Variants in SLC16A13 observed in about 807,000 individuals in gnomAD.
SLC16A13 encodes the protein solute carrier family 16 member 13.
A neutral mutation model predicts 28.1 loss-of-function variants in SLC16A13; 28 were observed. The ratio of observed to expected loss-of-function variants is 1.00; its 90% confidence interval spans 0.74 to 1.37. The LOEUF is 1.37. SLC16A13 is among the 40% of genes most tolerant of loss of function. The pLI is 0.00. For synonymous variants in SLC16A13, 228 were observed against 241.6 expected, an observed-to-expected ratio of 0.94 and a Z score of 0.52; for missense variants, 482 against 531.8, an observed-to-expected ratio of 0.91 and a Z score of 0.92.
Position 7,039,019 on chromosome 17 carries a change from C to T in SLC16A13, c.1081+130C>T. Reference sequence around the variant, plus strand: ...TACAGTACACAGCCTGCGTGGCCAACCATAGCATCCCTGAAATGGGTCCAT... The same window carrying T: ...TACAGTACACAGCCTGCGTGGCCAATCATAGCATCCCTGAAATGGGTCCAT... On this transcript the variant is annotated intron_variant, in intron 3 of 3. Transcript: ENST00000308027. This position sits in a 1 kb window ranked among gnomAD's most constrained non-coding sequence, Gnocchi z 4.3. 2 of 1,217,918 alleles carry T rather than the reference C, an allele frequency of 1.6e-6. No homozygotes were observed. Among genetic ancestry groups the T allele is most frequent in the Non-Finnish European group, 1.1e-6 (1 of 897,964 alleles). 75.4% of individuals were successfully genotyped at this position (1,217,918 alleles called of 1,614,324 possible).
At position 7,036,129 on chromosome 17, in the gene SLC16A13, G is replaced by T; in HGVS notation, c.-254G>T. The T allele has an allele frequency of 2.2e-6, 1 of 449,454 alleles. No individual in the cohort carries two copies. Among genetic ancestry groups the T allele is most frequent in the South Asian group, 3.8e-5 (1 of 26,008 alleles). The allele number at this position is 449,454 out of a possible 1,614,324, so 27.8% of individuals were successfully genotyped here. ...CCCCGGCTTGAACTAGCTCAGCTCC[G>T]AGCTCGCGGAACCACGCCCCCGGGA... On this transcript the variant is annotated 5_prime_UTR_variant, in exon 1 of 4. Coordinates refer to ENST00000308027, the MANE Select transcript of SLC16A13 (RefSeq NM_201566.3).
Position 7,039,675 on chromosome 17 carries a change from A to T in SLC16A13, c.1082-88A>T. ...GAGTTCCAACTCCTCTGAGATGATA[A>T]GTCTTCCCTCCACCCAAAAATGTAT... On this transcript the variant is annotated intron_variant, in intron 3 of 3. Transcript: ENST00000308027. This position sits in a 1 kb window ranked among gnomAD's most constrained non-coding sequence, Gnocchi z 4.3. The T allele has an allele frequency of 3.6e-6, 5 of 1,370,320 alleles. No individual in the cohort carries two copies. Among genetic ancestry groups the T allele is most frequent in the Non-Finnish European group, 5.1e-6 (5 of 973,864 alleles). The allele number at this position is 1,370,320 out of a possible 1,614,324, so 84.9% of individuals were successfully genotyped here. A position where few individuals can be genotyped will look rare whatever the true frequency, so the allele number is the denominator to read the frequency against.
At position 7,039,024 on chromosome 17, in the gene SLC16A13, G is replaced by A. The variant is rs571473523; in HGVS notation, c.1081+135G>A. The A allele has an allele frequency of 1.5e-4, 178 of 1,208,968 alleles. 2 individuals are homozygous for A. The South Asian group carries it at 2.8e-3, about 19-fold the overall frequency. The allele number at this position is 1,208,968 out of a possible 1,614,324, so 74.9% of individuals were successfully genotyped here. ...TACACAGCCTGCGTGGCCAACCATA[G>A]CATCCCTGAAATGGGTCCATGGGGC... On this transcript the variant is annotated intron_variant, in intron 3 of 3. Transcript: ENST00000308027. This position sits in a 1 kb window ranked among gnomAD's most constrained non-coding sequence, Gnocchi z 4.3.
Position 7,038,675 on chromosome 17 carries a change from C to T in SLC16A13, c.867C>T (p.Thr289=). The change falls in exon 3 of 4, where the codon ACC becomes ACT. Residue 289 remains threonine, a synonymous_variant. Transcript: ENST00000308027. The surrounding 1 kb of genome is among the most constrained non-coding windows in gnomAD (Gnocchi z 5.7). ...CACGACTCCTGATGCTCTGGACCAC[C>T]TTGACTGGGGTGTCACTAGCCCTGT... is the stretch of plus-strand genomic sequence containing the variant. ...PVTRLLMLWT[T]LTGVSLALFP... The T allele has an allele frequency of 6.2e-7, 1 of 1,614,212 alleles. No homozygotes were observed.
chr17:7,036,409 C>CG lies in SLC16A13; in HGVS notation c.32dup (p.Trp12LeufsTer35). On this transcript the variant is annotated frameshift_variant, in exon 1 of 4. Transcript: ENST00000308027. LOFTEE classifies it high-confidence loss of function. ...TGGCGCGCAGGACAGAGCCCCCCGACGGGGGCTGGGGATGGGTGGTGGTGC... is the reference window on the plus strand; with the variant it reads ...TGGCGCGCAGGACAGAGCCCCCCGACGGGGGGCTGGGGATGGGTGGTGGTGC... 6.2e-7 allele frequency: 1 copy of CG among 1,611,600 alleles called. No homozygotes were observed. Among genetic ancestry groups the CG allele is most frequent in the South Asian group, 1.1e-5 (1 of 90,992 alleles).
chr17:7,036,747 A>G lies in SLC16A13; in HGVS notation c.220A>G (p.Ser74Gly), dbSNP rs768312580. The part of the protein sequence containing the change: ...QFGSPVGSAL[S>G]TKFGPRPVVM... ...CTCAGGCCCGGTAGGCAGTGCCCTG[A>G]GCACGAAGTTCGGGCCCAGGCCCGT... Residue 74 changes from serine to glycine, a missense_variant, in exon 2 of 4, where the codon AGC (serine) becomes GGC (glycine). Ser to Gly is a moderately conservative substitution (Grantham distance 56, BLOSUM62 0). Coordinates refer to ENST00000308027, the MANE Select transcript of SLC16A13 (RefSeq NM_201566.3). The G allele has an allele frequency of 2.5e-6, 4 of 1,613,286 alleles. No homozygotes were observed. Among genetic ancestry groups the G allele is most frequent in the Non-Finnish European group, 1.7e-6 (2 of 1,180,036 alleles).
chr17:7,039,938 C>G lies in SLC16A13; in HGVS notation c.1257C>G (p.Pro419=). The change falls in exon 4 of 4, where the codon CCC becomes CCG. Residue 419 remains proline (P), a synonymous_variant. Transcript: ENST00000308027. This position sits in a 1 kb window ranked among gnomAD's most constrained non-coding sequence, Gnocchi z 4.3. ...TEALDTKVPL[P]KEGLEED ...CACTAGATACTAAAGTTCCCCTACC[C>G]AAGGAGGGGCTGGAAGAGGACTGAA... 2 of 1,613,912 alleles carry G rather than the reference C, an allele frequency of 1.2e-6. No homozygotes were observed. Among genetic ancestry groups the G allele is most frequent in the South Asian group, 2.2e-5 (2 of 91,070 alleles).
In SLC16A13 at chr17:7,038,997, A is replaced by G. The variant is rs536863904; in HGVS notation, c.1081+108A>G. 1.3e-5 allele frequency: 19 copies of G among 1,432,266 alleles called. No individual in the cohort carries two copies. The African/African-American group carries it at 2.3e-4, about 17-fold the overall frequency. 88.7% of individuals were successfully genotyped at this position (1,432,266 alleles called of 1,614,324 possible). ...TGAATATTGCCCTCTGGTGTAGTACAGTACACAGCCTGCGTGGCCAACCAT... is the reference window on the plus strand; with the variant it reads ...TGAATATTGCCCTCTGGTGTAGTACGGTACACAGCCTGCGTGGCCAACCAT... On this transcript the variant is annotated intron_variant, in intron 3 of 3. Coordinates refer to ENST00000308027, the MANE Select transcript of SLC16A13 (RefSeq NM_201566.3). This position sits in a 1 kb window ranked among gnomAD's most constrained non-coding sequence, Gnocchi z 5.7.
At position 7,038,174 on chromosome 17, in the gene SLC16A13, C is replaced by T. The variant is rs776002559; in HGVS notation, c.366C>T (p.Phe122=). Residue 122 remains phenylalanine (F), a synonymous_variant, in exon 3 of 4, where the codon TTC becomes TTT. Coordinates refer to ENST00000308027, the MANE Select transcript of SLC16A13 (RefSeq NM_201566.3). This position sits in a 1 kb window ranked among gnomAD's most constrained non-coding sequence, Gnocchi z 5.7. ...CAGGCTCTGGCTGGGCTTTGACCTT[C>T]GCTCCGACCCTGGCCTGCCTGTCCT... The part of the protein sequence containing the change: ...LLSGSGWALT[F]APTLACLSCY... The T allele has an allele frequency of 3.7e-6, 6 of 1,613,276 alleles. No individual in the cohort carries two copies. Among genetic ancestry groups the T allele is most frequent in the African/African-American group, 1.3e-5 (1 of 75,042 alleles).
Position 7,039,081 on chromosome 17 carries a change from A to C in SLC16A13, c.1081+192A>C, listed in dbSNP as rs1910659000. Reference sequence around the variant, plus strand: ...CTTGGGGCTGGGAAAGTCTGAGTGGAAAGACAAAAAGAAGCTAAGTGGAAC... The same window carrying C: ...CTTGGGGCTGGGAAAGTCTGAGTGGCAAGACAAAAAGAAGCTAAGTGGAAC... On this transcript the variant is annotated intron_variant, in intron 3 of 3. Transcript: ENST00000308027. The surrounding 1 kb of genome is among the most constrained non-coding windows in gnomAD (Gnocchi z 4.3). Among the ~76,000 whole-genome samples the C allele has an allele frequency of 6.6e-6, 1 of 152,194 alleles. No homozygotes were observed. Among genetic ancestry groups the C allele is most frequent in the South Asian group, 2.1e-4 (1 of 4,832 alleles).
rs1910574677 is a variant in SLC16A13, at chr17:7,036,217, G to A, written c.-166G>A. The A allele has an allele frequency of 1.5e-6, 1 of 658,944 alleles. No homozygotes were observed. Among genetic ancestry groups the A allele is most frequent in the African/African-American group, 1.8e-5 (1 of 54,968 alleles). The allele number at this position is 658,944 out of a possible 1,614,324, so 40.8% of individuals were successfully genotyped here. ...CTATATCGCCCCGCCTTGGGAAAAGGTGCAGGGGCCTCTCGCCGCCTCGTC... is the reference window on the plus strand; with the variant it reads ...CTATATCGCCCCGCCTTGGGAAAAGATGCAGGGGCCTCTCGCCGCCTCGTC... On this transcript the variant is annotated 5_prime_UTR_variant, in exon 1 of 4. In the 5' UTR this introduces an upstream ATG that the reference lacks. Transcript: ENST00000308027.
At chr17:7,037,652 G>A (rs1910618632) in intron 2 of SLC16A13, among the ~76,000 whole-genome samples, 1 of 151,952 alleles carries the variant, frequency 6.6e-6, no homozygotes, top group South Asian at 2.1e-4. Context: ...TGTGAACCCG[G>A]GAAGCAGAGC....
rs1276560721 is a variant in SLC16A13 at position 7,036,870 on chromosome 17, G to A, written c.343G>A (p.Gly115Ser). 1 of 1,611,964 alleles carries A rather than the reference G, an allele frequency of 6.2e-7. No homozygotes were observed. Among genetic ancestry groups the A allele is most frequent in the Non-Finnish European group, 8.5e-7 (1 of 1,179,938 alleles). ...HLYLSIGLLS[G>S]SGWALTFAPT... ...ATACCTGAGTATTGGGTTGCTGTCA[G>A]GTGAGAGCCTGCACAAGGGCAGGAG... Residue 115 changes from glycine to serine, a missense_variant and splice_region_variant, in exon 2 of 4, where the codon GGC becomes AGC. By Grantham distance (56) the Gly-to-Ser change is moderately conservative. Coordinates refer to ENST00000308027, the MANE Select transcript of SLC16A13 (RefSeq NM_201566.3).
Position 7,036,034 on chromosome 17 carries a change from C to T in SLC16A13, c.-349C>T, listed in dbSNP as rs576691150. ...TCATCTACACGGAAACTGGCGCGCTCCAGGGGTGGGGCCCAAACTCAGTTC... is the reference window on the plus strand; with the variant it reads ...TCATCTACACGGAAACTGGCGCGCTTCAGGGGTGGGGCCCAAACTCAGTTC... On this transcript the variant is annotated 5_prime_UTR_variant, in exon 1 of 4. Transcript: ENST00000308027. The T allele has an allele frequency of 6.6e-5, 15 of 228,194 alleles. No homozygotes were observed. The East Asian group carries it at 1.3e-3, about 21-fold the overall frequency. The allele number at this position is 228,194 out of a possible 1,614,324, so 14.1% of individuals were successfully genotyped here. A position where few individuals can be genotyped will look rare whatever the true frequency, so the allele number is the denominator to read the frequency against.
rs1480854961 is a variant in SLC16A13 at position 7,038,830 on chromosome 17, G to T, written c.1022G>T (p.Gly341Val). The T allele has an allele frequency of 1.2e-6, 2 of 1,614,028 alleles. No individual in the cohort carries two copies. Among genetic ancestry groups the T allele is most frequent in the Non-Finnish European group, 8.5e-7 (1 of 1,179,966 alleles). Residue 341 changes from glycine (G) to valine (V), a missense_variant, in exon 3 of 4, where the codon GGC (glycine) becomes GTC (valine). By Grantham distance (109) the Gly-to-Val change is moderately radical. Coordinates refer to ENST00000308027, the MANE Select transcript of SLC16A13 (RefSeq NM_201566.3). The surrounding 1 kb of genome is among the most constrained non-coding windows in gnomAD (Gnocchi z 5.7). ...ELIGTRRIYC[G>V]LGLLQMIESI... ...ATAGGGACTAGAAGGATTTACTGTG[G>T]CCTGGGACTGTTGCAGATGATAGAG... is the stretch of plus-strand genomic sequence containing the variant.
rs932476781 is a variant in SLC16A13, at chr17:7,036,083, A to T, written c.-300A>T. ...TCCACCCTCTGGCTCCCAGCCGAAC[A>T]CCGAACCGGGACCGATCCGGCCCCG... is the stretch of plus-strand genomic sequence containing the variant. On this transcript the variant is annotated 5_prime_UTR_variant, in exon 1 of 4. Transcript: ENST00000308027. 1.6e-5 allele frequency: 5 copies of T among 306,938 alleles called. No homozygotes were observed. In the Admixed American group the frequency reaches 2.3e-4, roughly 14 times the overall value. The allele number at this position is 306,938 out of a possible 1,614,324, so 19.0% of individuals were successfully genotyped here.
At chr17:7,036,646 G>C in intron 1 of SLC16A13, 65 bp downstream of exon 1, 1 of 1,609,054 alleles carries the variant, frequency 6.2e-7, no homozygotes. Flanking sequence ...GCGGCGACTG[G>C]GAAGTGGAAG....
Position 7,036,772 on chromosome 17 carries a change from TG to T in SLC16A13, c.247del (p.Val83Ter). 6.2e-7 allele frequency: 1 copy of T among 1,613,744 alleles called. No homozygotes were observed. The highest frequency in any genetic ancestry group is 8.5e-7 in the Non-Finnish European group (1 of 1,180,024). On this transcript the variant is annotated frameshift_variant, in exon 2 of 4. Coordinates refer to ENST00000308027, the MANE Select transcript of SLC16A13 (RefSeq NM_201566.3). LOFTEE classifies it high-confidence loss of function. Reference protein sequence around the residue: ...ALSTKFGPRPVVMTGGILAAL... With the variant: ...ALSTKFGPRPXVMTGGILAAL... ...AGCACGAAGTTCGGGCCCAGGCCCGTGGTGATGACTGGAGGCATCTTGGCTG... is the reference window on the plus strand; with the variant it reads ...AGCACGAAGTTCGGGCCCAGGCCCGTGTGATGACTGGAGGCATCTTGGCTG...
rs898076866 is a variant in SLC16A13, at chr17:7,036,144, C to T, written c.-239C>T. The T allele has an allele frequency of 8.5e-6, 4 of 469,272 alleles. No homozygotes were observed. The highest frequency in any genetic ancestry group is 1.1e-5 in the Non-Finnish European group (3 of 265,212). 29.1% of individuals were successfully genotyped at this position (469,272 alleles called of 1,614,324 possible). A position where few individuals can be genotyped will look rare whatever the true frequency, so the allele number is the denominator to read the frequency against. On this transcript the variant is annotated 5_prime_UTR_variant, in exon 1 of 4. The change creates a new upstream start codon in the 5' untranslated region. Coordinates refer to ENST00000308027, the MANE Select transcript of SLC16A13 (RefSeq NM_201566.3). ...GCTCAGCTCCGAGCTCGCGGAACCA[C>T]GCCCCCGGGAGACTCTGGCCCGGCC...
Sources: gnomAD v4.1 joint callset for allele counts (sites outside exome capture counted in the v4.1 genomes callset) on GRCh38, gnomAD v4.1.1 for gene constraint, Gnocchi (gnomAD v3.1) non-coding constraint, MANE v1.5 for transcripts, NCBI Gene and HGNC (gene_info 2026-07-23, HGNC 2026-07-21) for gene names.